The following SMAD5 variants were observed in gnomAD, a reference collection of about 807,000 sequenced individuals.
SMAD5 encodes the protein SMAD family member 5.
Under a neutral mutation model 43.1 loss-of-function variants are expected in SMAD5, and 9 were observed. The observed-to-expected ratio is 0.21, with a 90% CI of 0.13 to 0.36. The LOEUF (loss-of-function observed/expected upper bound fraction) is 0.36. Ranked by LOEUF, SMAD5 falls within the 10% of genes least tolerant of loss-of-function variation. The probability of loss-of-function intolerance (pLI) is 1.00; values close to 1 mark genes in which losing one functional copy is unlikely to be tolerated. For missense variants in SMAD5, 348 were observed against 574.0 expected (o/e 0.61, Z 4.02); for synonymous variants, 190 against 192.4 (o/e 0.99, Z 0.10).
intron 2 of SMAD5, among the ~76,000 whole-genome samples, chr5:136,149,000 G>C (rs1753359291): frequency 6.6e-6 from 1 of 151,748 alleles, no homozygotes; most frequent in Admixed American, 6.6e-5. Context: ...ATCAAAATAT[G>C]GAAAATTTCT....
chr5:136,165,345 C>T (rs1753959073), intron 5 of SMAD5, among the ~76,000 whole-genome samples: 1 of 151,928 alleles, frequency 6.6e-6, no homozygotes, highest in South Asian at 2.1e-4. Flanking sequence ...TGGAGTCTTA[C>T]AGTGTTGCCC....
At chr5:136,173,948 T>G (rs558844359) in intron 6 of SMAD5, among the ~76,000 whole-genome samples, 6 of 152,234 alleles carry the variant, frequency 3.9e-5, no homozygotes, top group African/African-American at 1.4e-4. Context: ...CTTTGGTTTT[T>G]TTTTAGTGTT....
At chr5:136,141,305 T>C (rs1194861077) in intron 1 of SMAD5, among the ~76,000 whole-genome samples, 2 of 152,194 alleles carry the variant, frequency 1.3e-5, no homozygotes, top group African/African-American at 4.8e-5. Context: ...ATTTCATTGT[T>C]TTGAGGAGCA....
At chr5:136,163,193 C>CT in intron 4 of SMAD5, 79 bp from the exon 5 acceptor site, 5 of 1,275,508 alleles carry the variant, frequency 3.9e-6, no homozygotes, top group South Asian at 1.6e-5. Context: ...TGCTGGTAAT[C>CT]TTAAGAATTT....
chr5:136,158,591 G>T (rs1209625819), intron 3 of SMAD5, among the ~76,000 whole-genome samples: 1 of 152,220 alleles, frequency 6.6e-6, no homozygotes, highest in South Asian at 2.1e-4. Flanking sequence ...AACCAATATA[G>T]GTTGGAACCA....
chr5:136,180,265 A>C lies in SMAD5; in HGVS notation c.*2785A>C, dbSNP rs920662644. 5.3e-5 allele frequency: 8 copies of C among 152,156 alleles called. No homozygotes were observed. Among genetic ancestry groups the C allele is most frequent in the African/African-American group, 1.9e-4 (8 of 41,456 alleles). The allele number at this position is 152,156 out of a possible 1,614,324, so 9.4% of individuals were successfully genotyped here. A position where few individuals can be genotyped will look rare whatever the true frequency, so the allele number is the denominator to read the frequency against. ...ACCTCTGAAAGAAACCATTTTAGCAAATTATGGTTATATGTTTTAATTTAA... is the reference window on the plus strand; with the variant it reads ...ACCTCTGAAAGAAACCATTTTAGCACATTATGGTTATATGTTTTAATTTAA... On this transcript the variant is annotated 3_prime_UTR_variant, in exon 8 of 8. Coordinates refer to ENST00000545279, the MANE Select transcript of SMAD5 (RefSeq NM_005903.7).
intron 3 of SMAD5, among the ~76,000 whole-genome samples, chr5:136,159,880 T>C (rs1367640090): frequency 6.6e-6 from 1 of 152,222 alleles, no homozygotes; most frequent in African/African-American, 2.4e-5. Flanking sequence ...TTAGGTAGCT[T>C]AAAAACAAAC....
intron 1 of SMAD5, among the ~76,000 whole-genome samples, chr5:136,143,366 A>G (rs1429772714): frequency 6.7e-6 from 1 of 149,200 alleles, no homozygotes; most frequent in East Asian, 2.0e-4. Context: ...TTAGTCTCTT[A>G]CTTGGTCCTT....
intron 1 of SMAD5, chr5:136,133,707 C>T (rs1325594444): frequency 6.5e-6 from 1 of 152,996 alleles, no homozygotes; most frequent in African/African-American, 2.4e-5. Context: ...ATATTCCAGT[C>T]TCTTCCCCTC....
At chr5:136,133,360 A>T (rs1477263252) in intron 1 of SMAD5, 1 of 152,446 alleles carries the variant, frequency 6.6e-6, no homozygotes, top group Non-Finnish European at 1.5e-5. Context: ...CCTTGATAGG[A>T]CTGCGGTGCT....
At chr5:136,159,625 A>G (rs1388866971) in intron 3 of SMAD5, among the ~76,000 whole-genome samples, 14 of 144,144 alleles carry the variant, frequency 9.7e-5, no homozygotes, top group Non-Finnish European at 1.7e-4. Flanking sequence ...TAGCCTGCTA[A>G]ATGTAGAAAT....
At chr5:136,141,563 T>C (rs942656255) in intron 1 of SMAD5, among the ~76,000 whole-genome samples, 1 of 152,200 alleles carries the variant, frequency 6.6e-6, no homozygotes, top group Admixed American at 6.5e-5. Flanking sequence ...AAAAAGGCCT[T>C]CTCATTTATT....
intron 1 of SMAD5, among the ~76,000 whole-genome samples, chr5:136,145,215 T>C (rs530726185): frequency 1.3e-5 from 2 of 152,080 alleles, no homozygotes; most frequent in South Asian, 4.1e-4. Context: ...TAGTTGTCAT[T>C]GTACAGGCAT....
At chr5:136,160,602 A>G (rs887308044) in intron 3 of SMAD5, among the ~76,000 whole-genome samples, 20 of 151,982 alleles carry the variant, frequency 1.3e-4, no homozygotes, top group African/African-American at 4.4e-4. Flanking sequence ...CCTTTATCTC[A>G]TAGAACAGGA....
At chr5:136,167,409 CCTCT>C (rs1754058680) in intron 5 of SMAD5, among the ~76,000 whole-genome samples, 1 of 151,792 alleles carries the variant, frequency 6.6e-6, no homozygotes, top group African/African-American at 2.4e-5. Flanking sequence ...GATTTATTTT[CCTCT>C]CTTTCTTCTC....
Position 136,179,415 on chromosome 5 carries a change from T to C in SMAD5, c.*1935T>C, listed in dbSNP as rs1477896988. On this transcript the variant is annotated 3_prime_UTR_variant, in exon 8 of 8. Transcript: ENST00000545279. ...ATATGGAGTCATATCATTCTTCTGT[T>C]TAAAATGTTAGTTTGGTTTGACTTT... 1 of 152,666 alleles carries C rather than the reference T, an allele frequency of 6.6e-6. No individual in the cohort carries two copies. Among genetic ancestry groups the C allele is most frequent in the East Asian group, 1.9e-4 (1 of 5,200 alleles). The allele number at this position is 152,666 out of a possible 1,614,324, so 9.5% of individuals were successfully genotyped here. A position where few individuals can be genotyped will look rare whatever the true frequency, so the allele number is the denominator to read the frequency against.
chr5:136,143,820 G>GT (rs751773923), intron 1 of SMAD5, among the ~76,000 whole-genome samples: 77 of 151,496 alleles, frequency 5.1e-4, no homozygotes, highest in Non-Finnish European at 3.1e-4. Flanking sequence ...CAAACCAGCT[G>GT]TTTTTTTTGC....
rs1445536752 is a variant in SMAD5, at chr5:136,182,519, C to G, written c.*5039C>G. The G allele has an allele frequency of 6.5e-6, 1 of 152,718 alleles. No homozygotes were observed. The highest frequency in any genetic ancestry group is 1.9e-4 in the East Asian group (1 of 5,190). The allele number at this position is 152,718 out of a possible 1,614,324, so 9.5% of individuals were successfully genotyped here. A position where few individuals can be genotyped will look rare whatever the true frequency, so the allele number is the denominator to read the frequency against. Reference sequence around the variant, plus strand: ...CAGATAATGAAGACCAAGCTAGTGGCTGCACTGTAGGTCTGCTGCTTATTT... The same window carrying G: ...CAGATAATGAAGACCAAGCTAGTGGGTGCACTGTAGGTCTGCTGCTTATTT... On this transcript the variant is annotated 3_prime_UTR_variant, in exon 8 of 8. Transcript: ENST00000545279.
intron 1 of SMAD5, among the ~76,000 whole-genome samples, chr5:136,138,585 AGTG>A (rs1460548685): frequency 6.6e-6 from 1 of 152,152 alleles, no homozygotes; most frequent in Non-Finnish European, 1.5e-5. Flanking sequence ...ATGGTTTGAC[AGTG>A]GTGGTGGTGG....
Sources: gnomAD v4.1 joint callset for allele counts (sites outside exome capture counted in the v4.1 genomes callset) on GRCh38, gnomAD v4.1.1 for gene constraint, MANE v1.5 for transcripts, NCBI Gene and HGNC (gene_info 2026-07-23, HGNC 2026-07-21) for gene names.